The following ASAP1 variants were observed in gnomAD, a reference collection of about 807,000 sequenced individuals.
ASAP1 encodes arf-GAP with SH3 domain, ANK repeat and PH domain-containing protein 1.
ASAP1 carries 43 observed loss-of-function variants against 145.2 expected under a neutral mutation model. The observed-to-expected ratio is 0.30, with a 90% confidence interval of 0.23 to 0.38. The LOEUF (loss-of-function observed/expected upper bound fraction) is 0.38, where lower values mean the gene tolerates loss of function less well. Ranked by LOEUF, ASAP1 falls within the 10% of genes least tolerant of loss-of-function variation. The pLI, the probability that ASAP1 is intolerant of heterozygous loss-of-function variation, is 1.00. For missense variants in ASAP1, 1,018 were observed against 1,355.3 expected, an observed-to-expected ratio of 0.75 and a Z score of 3.91; for synonymous variants, 546 against 515.5, an observed-to-expected ratio of 1.06 and a Z score of -0.80.
chr8:130,153,383 A>T lies in ASAP1; in HGVS notation c.1011-578T>A, dbSNP rs911659687. Among the ~76,000 whole-genome samples, 12 of 136,168 alleles carry T rather than the reference A, an allele frequency of 8.8e-5. No individual in the cohort carries two copies. In the East Asian group the frequency reaches 1.0e-3, roughly 12 times the overall value. The allele number at this position is 136,168 out of a possible 152,430, so 89.3% of individuals were successfully genotyped here. On this transcript the variant is annotated intron_variant, in intron 12 of 29. Coordinates refer to ENST00000518721, the MANE Select transcript of ASAP1 (RefSeq NM_018482.4). ...TGTATATATATATATATATATATAT[A>T]TTTTGAGACAGGGTCTTGCTCTGAC...
chr8:130,386,267 G>A (rs1828011257), intron 2 of ASAP1, among the ~76,000 whole-genome samples: 1 of 152,160 alleles, frequency 6.6e-6, no homozygotes, highest in Admixed American at 6.5e-5. Context: ...CTGGGGCCAG[G>A]TTTTACCCCT....
chr8:130,249,422 C>T (rs1369158525), intron 3 of ASAP1, among the ~76,000 whole-genome samples: 1 of 152,158 alleles, frequency 6.6e-6, no homozygotes, highest in Non-Finnish European at 1.5e-5. Context: ...GCCTTTATGA[C>T]TCTGGAGATG....
chr8:130,130,667 T>A (rs2097581547), intron 15 of ASAP1, among the ~76,000 whole-genome samples: 1 of 152,214 alleles, frequency 6.6e-6, no homozygotes, highest in Non-Finnish European at 1.5e-5. Flanking sequence ...GGGCTTTACA[T>A]AGCTTATCCT....
In ASAP1 at chr8:130,079,200, AAG is replaced by A. The variant is rs1428489544; in HGVS notation, c.2642+700_2642+701del. On this transcript the variant is annotated intron_variant, in intron 26 of 29. Transcript: ENST00000518721. ...ACAGAGAAAGGCCCTATCTCAAAAAAAGAGAGATTTTGTTTTCTCATCTTTCA... is the reference window on the plus strand; with the variant it reads ...ACAGAGAAAGGCCCTATCTCAAAAAAAGAGATTTTGTTTTCTCATCTTTCA... 2.6e-5 allele frequency among the ~76,000 whole-genome samples: 4 copies of A among 152,166 alleles called. No homozygotes were observed. The South Asian group carries it at 6.2e-4, about 24-fold the overall frequency.
intron 3 of ASAP1, among the ~76,000 whole-genome samples, chr8:130,351,533 C>T (rs1401642544): frequency 6.6e-6 from 1 of 152,090 alleles, no homozygotes; most frequent in African/African-American, 2.4e-5. Context: ...GCAGGCTGTA[C>T]AAGCATGGCG....
intron 4 of ASAP1, among the ~76,000 whole-genome samples, chr8:130,219,196 CTTT>C (rs11324757): frequency 1.4e-5 from 2 of 146,852 alleles, no homozygotes; most frequent in Non-Finnish European, 3.0e-5. Context: ...TCTCACATGT[CTTT>C]TTTTTTTTTA....
intron 15 of ASAP1, among the ~76,000 whole-genome samples, chr8:130,133,667 AC>A (rs1211890598): frequency 8.6e-5 from 9 of 104,660 alleles, no homozygotes; most frequent in East Asian, 6.3e-4. Flanking sequence ...CGTCTCAAAA[AC>A]AAACAAACAA....
At chr8:130,204,603 C>A (rs1484349344) in intron 5 of ASAP1, among the ~76,000 whole-genome samples, 1 of 152,090 alleles carries the variant, frequency 6.6e-6, no homozygotes, top group Non-Finnish European at 1.5e-5. Context: ...GTAGGTGGGG[C>A]CAAGATCACA....
rs544984923 is a variant in ASAP1, at chr8:130,108,754, C to T, written c.2401+3340G>A. 1.2e-3 allele frequency among the ~76,000 whole-genome samples: 161 copies of T among 131,794 alleles called. 1 individual carries two copies. Among genetic ancestry groups the T allele is most frequent in the African/African-American group, 4.2e-3 (149 of 35,610 alleles). The allele number at this position is 131,794 out of a possible 152,430, so 86.5% of individuals were successfully genotyped here. On this transcript the variant is annotated intron_variant, in intron 24 of 29. Transcript: ENST00000518721. The stretch of plus-strand genomic sequence containing the variant: ...AACTAATCTTGGCAAGCCTCAAAAA[C>T]CAGTTTTTTTTTTTTTTTTTTTTTT...
chr8:130,407,942 T>C (rs971054071), intron 1 of ASAP1, among the ~76,000 whole-genome samples: 2 of 152,338 alleles, frequency 1.3e-5, no homozygotes, highest in East Asian at 3.9e-4. Flanking sequence ...ACTTTTCCTA[T>C]TTACTGATGT....
intron 3 of ASAP1, among the ~76,000 whole-genome samples, chr8:130,307,886 T>C (rs546237490): frequency 1.3e-5 from 2 of 152,354 alleles, no homozygotes; most frequent in East Asian, 3.9e-4. Flanking sequence ...CCTTTCCTAA[T>C]ATATAAAATG....
intron 12 of ASAP1, among the ~76,000 whole-genome samples, chr8:130,154,172 C>A (rs566826919): frequency 6.6e-6 from 1 of 152,090 alleles, no homozygotes; most frequent in South Asian, 2.1e-4. Context: ...CATACACCAC[C>A]CCTTTAGGGG....
At chr8:130,270,872 C>T (rs1169032523) in intron 3 of ASAP1, among the ~76,000 whole-genome samples, 1 of 151,348 alleles carries the variant, frequency 6.6e-6, no homozygotes, top group Non-Finnish European at 1.5e-5. Context: ...TGAGTTAATC[C>T]TCCTTTTTTG....
At chr8:130,300,149 CACACAG>C (rs1330866074) in intron 3 of ASAP1, among the ~76,000 whole-genome samples, 85 of 88,720 alleles carry the variant, frequency 9.6e-4, no homozygotes, top group East Asian at 7.6e-3. Context: ...CACACACACA[CACACAG>C]AGAGAGAGAG....
At chr8:130,373,521 C>T (rs1827328329) in intron 2 of ASAP1, among the ~76,000 whole-genome samples, 1 of 152,216 alleles carries the variant, frequency 6.6e-6, no homozygotes, top group Non-Finnish European at 1.5e-5. Flanking sequence ...ACACTCTACT[C>T]AACCGATCCC....
intron 3 of ASAP1, among the ~76,000 whole-genome samples, chr8:130,331,304 A>G (rs1261570955): frequency 6.6e-6 from 1 of 152,182 alleles, no homozygotes; most frequent in Non-Finnish European, 1.5e-5. Context: ...ATCCTTCTGA[A>G]CCATGATGGA....
chr8:130,242,261 T>TAAAAAAA (rs571916495), intron 3 of ASAP1, among the ~76,000 whole-genome samples: 5 of 85,342 alleles, frequency 5.9e-5, no homozygotes, highest in African/African-American at 2.4e-4. Flanking sequence ...GTGATTTCCT[T>TAAAAAAA]AAAAAAAAAA....
intron 3 of ASAP1, among the ~76,000 whole-genome samples, chr8:130,356,102 A>G (rs1477390009): frequency 1.3e-5 from 2 of 152,206 alleles, no homozygotes; most frequent in Admixed American, 1.3e-4. Context: ...TTGCTTTTAA[A>G]TTTATTAACC....
chr8:130,057,255 G>C (rs2097406230), intron 29 of ASAP1, among the ~76,000 whole-genome samples: 2 of 152,152 alleles, frequency 1.3e-5, no homozygotes, highest in South Asian at 2.1e-4. Flanking sequence ...ATAGGCTCTG[G>C]GGTCAGGGCC....
Sources: gnomAD v4.1 joint callset for allele counts (sites outside exome capture counted in the v4.1 genomes callset) on GRCh38, gnomAD v4.1.1 for gene constraint, MANE v1.5 for transcripts, NCBI Gene and HGNC (gene_info 2026-07-23, HGNC 2026-07-21) for gene names.